The following CPNE4 variants were observed in gnomAD, a reference collection of about 807,000 sequenced individuals.
CPNE4 encodes the protein copine 4, also known as copine-4.
A neutral mutation model predicts 67.9 loss-of-function variants in CPNE4; 25 were observed. The ratio of observed to expected loss-of-function variants is 0.37; its 90% CI spans 0.27 to 0.51. The LOEUF (loss-of-function observed/expected upper bound fraction) is 0.51, where lower values mean the gene tolerates loss of function less well. CPNE4 is among the 20% of genes least tolerant of loss of function. CPNE4 has a pLI of 0.93. For synonymous variants in CPNE4, 242 were observed against 244.9 expected (o/e 0.99, Z 0.11); for missense variants, 464 against 690.8 (o/e 0.67, Z 3.68).
chr3:131,718,687 T>C (rs2081804330), intron 3 of CPNE4, among the ~76,000 whole-genome samples: 1 of 152,232 alleles, frequency 6.6e-6, no homozygotes. Flanking sequence ...TCTATTGTAG[T>C]GCTTAGTAAT....
chr3:131,918,156 T>C (rs180683682), intron 1 of CPNE4, among the ~76,000 whole-genome samples: 11 of 152,304 alleles, frequency 7.2e-5, no homozygotes, highest in Non-Finnish European at 1.3e-4. Flanking sequence ...AATTGCTAGA[T>C]TGCACAACCC....
intron 1 of CPNE4, among the ~76,000 whole-genome samples, chr3:131,977,559 C>T (rs545890830): frequency 3.9e-5 from 6 of 152,230 alleles, no homozygotes; most frequent in South Asian, 4.2e-4. Context: ...CACACACACA[C>T]GCACATACAT....
chr3:131,575,011 C>A (rs952575222), intron 10 of CPNE4, 60 bp downstream of exon 10: 22 of 1,431,002 alleles, frequency 1.5e-5, no homozygotes, highest in Middle Eastern at 1.8e-4. Context: ...AAACCCAGTG[C>A]CACCCCTCAT....
chr3:131,717,746 C>T (rs184139711), intron 3 of CPNE4, among the ~76,000 whole-genome samples: 2 of 152,236 alleles, frequency 1.3e-5, no homozygotes, highest in Non-Finnish European at 2.9e-5. Context: ...TACTGCCGCC[C>T]GCATTTCCTT....
At chr3:131,851,341 A>T (rs2086235571) in intron 2 of CPNE4, among the ~76,000 whole-genome samples, 1 of 152,130 alleles carries the variant, frequency 6.6e-6, no homozygotes, top group Non-Finnish European at 1.5e-5. Flanking sequence ...GAAAATCCAA[A>T]GGCTGATTTG....
In CPNE4 at chr3:131,693,776, C is replaced by T. The variant is rs142068679; in HGVS notation, c.507+2766G>A. Among the ~76,000 whole-genome samples, 262 of 152,300 alleles carry T rather than the reference C, an allele frequency of 1.7e-3. 1 individual carries two copies. The highest frequency in any genetic ancestry group is 2.8e-3 in the Non-Finnish European group (188 of 68,028). On this transcript the variant is annotated intron_variant, in intron 5 of 15. Transcript: ENST00000429747. ...TACCTCCCCTCTTCCTGGCTTCCTA[C>T]TTCCCTGAAATACATGAAAACATTT...
intron 7 of CPNE4, among the ~76,000 whole-genome samples, chr3:131,588,357 G>C (rs575630950): frequency 6.6e-6 from 1 of 152,254 alleles, no homozygotes; most frequent in South Asian, 2.1e-4. Context: ...AGGTCTCCAC[G>C]TACTCCCAGG....
chr3:132,033,195 G>A (rs1199704632), intron 1 of CPNE4, among the ~76,000 whole-genome samples: 1 of 152,234 alleles, frequency 6.6e-6, no homozygotes, highest in East Asian at 1.9e-4. Context: ...ACATATTAAA[G>A]TATCTTGGAC....
At position 131,744,289 on chromosome 3, in the gene CPNE4, A is replaced by G. The variant is rs184883520; in HGVS notation, c.181-20664T>C. Among the ~76,000 whole-genome samples, 375 of 152,270 alleles carry G rather than the reference A, an allele frequency of 2.5e-3. 1 individual carries two copies. Among genetic ancestry groups the G allele is most frequent in the African/African-American group, 8.3e-3 (344 of 41,566 alleles). ...GTGATTGGTTTTTCTCTATTTTAAT[A>G]ATAAGTACTCAGAGAGGAAACTATC... On this transcript the variant is annotated intron_variant, in intron 2 of 15. Coordinates refer to ENST00000429747, the MANE Select transcript of CPNE4 (RefSeq NM_130808.3).
At chr3:132,037,808 G>A (rs2074364448), upstream of CPNE4, 1 of 553,594 alleles carries the variant, frequency 1.8e-6, no homozygotes, top group Admixed American at 3.0e-5. Context: ...CTGGAATGAA[G>A]CCAGGGAACA....
At chr3:131,749,045 G>C (rs2082559099) in intron 2 of CPNE4, among the ~76,000 whole-genome samples, 1 of 151,676 alleles carries the variant, frequency 6.6e-6, no homozygotes, top group Non-Finnish European at 1.5e-5. Flanking sequence ...ATTGATTTGA[G>C]GTTTTTCCTC....
chr3:131,958,058 A>G (rs1340249406), intron 1 of CPNE4, among the ~76,000 whole-genome samples: 2 of 152,216 alleles, frequency 1.3e-5, no homozygotes, highest in African/African-American at 4.8e-5. Flanking sequence ...GAAATAGAAT[A>G]TATGTCTCAA....
intron 2 of CPNE4, among the ~76,000 whole-genome samples, chr3:131,726,493 G>T (rs571369204): frequency 6.6e-6 from 1 of 152,124 alleles, no homozygotes; most frequent in Non-Finnish European, 1.5e-5. Flanking sequence ...GACAATAAGC[G>T]AAGTGCTTGC....
intron 9 of CPNE4, among the ~76,000 whole-genome samples, chr3:131,578,353 G>A (rs970649722): frequency 1.3e-5 from 2 of 152,070 alleles, no homozygotes; most frequent in African/African-American, 4.8e-5. Flanking sequence ...TAAGTGTTGT[G>A]TGTGTTCTCA....
At chr3:131,554,291 A>G (rs1485123197) in intron 12 of CPNE4, among the ~76,000 whole-genome samples, 1 of 152,062 alleles carries the variant, frequency 6.6e-6, no homozygotes, top group African/African-American at 2.4e-5. Flanking sequence ...TTTTAATCTT[A>G]GTGTTGCCAG....
upstream of CPNE4, chr3:132,037,602 A>G (rs1583630997): frequency 3.3e-6 from 5 of 1,535,840 alleles, no homozygotes; most frequent in Non-Finnish European, 4.4e-6. Flanking sequence ...GCTGGGTTCT[A>G]CAGCCATGGT....
intron 2 of CPNE4, among the ~76,000 whole-genome samples, chr3:131,831,739 C>A (rs1166083904): frequency 6.6e-6 from 1 of 152,168 alleles, no homozygotes; most frequent in African/African-American, 2.4e-5. Flanking sequence ...TGTTTAACAT[C>A]ATCTCTTGTG....
intron 11 of CPNE4, among the ~76,000 whole-genome samples, chr3:131,559,859 A>T (rs1252510179): frequency 1.3e-5 from 2 of 152,092 alleles, no homozygotes; most frequent in Non-Finnish European, 2.9e-5. Flanking sequence ...CAGTCACAAG[A>T]GTTATGTAAG....
At chr3:131,965,053 G>C (rs953306276) in intron 1 of CPNE4, among the ~76,000 whole-genome samples, 1 of 152,200 alleles carries the variant, frequency 6.6e-6, no homozygotes, top group Non-Finnish European at 1.5e-5. Context: ...AGCTGGAAGA[G>C]AGTGGGGGCC....
Sources: gnomAD v4.1 joint callset for allele counts (sites outside exome capture counted in the v4.1 genomes callset) on GRCh38, gnomAD v4.1.1 for gene constraint, MANE v1.5 for transcripts, NCBI Gene and HGNC (gene_info 2026-07-23, HGNC 2026-07-21) for gene names.